Variants in POFUT3 observed in about 807,000 individuals in gnomAD.
POFUT3 encodes the protein protein O-fucosyltransferase 3.
the POFUT3 span, among the ~76,000 whole-genome samples, chr8:33,441,378 CTTTTTTTTTT>C: frequency 8.8e-6 from 1 of 114,070 alleles, no homozygotes; most frequent in Admixed American, 9.1e-5. Context: ...TTTTTCCTGC[CTTTTTTTTTT>C]TTTTTTTTTT....
At chr8:33,425,492 A>C in the POFUT3 span, among the ~76,000 whole-genome samples, 1 of 152,086 alleles carries the variant, frequency 6.6e-6, no homozygotes, top group Non-Finnish European at 1.5e-5. Flanking sequence ...GGAGAAGGAA[A>C]AAGTCCAGAG....
At chr8:33,444,782 C>T in the POFUT3 span, among the ~76,000 whole-genome samples, 13 of 152,052 alleles carry the variant, frequency 8.5e-5, no homozygotes, top group Non-Finnish European at 1.8e-4. Flanking sequence ...CACGCCACTG[C>T]ATTCCAGCCT....
the POFUT3 span, among the ~76,000 whole-genome samples, chr8:33,313,079 T>C: frequency 2.6e-5 from 4 of 152,054 alleles, no homozygotes; most frequent in Non-Finnish European, 5.9e-5. Context: ...AAGGAGAAAA[T>C]GGACAATGAA....
At chr8:33,394,688 A>G in the POFUT3 span, among the ~76,000 whole-genome samples, 5 of 151,170 alleles carry the variant, frequency 3.3e-5, no homozygotes, top group African/African-American at 1.2e-4. Context: ...AAAAAAAAAC[A>G]TCTCCACCTT....
chr8:33,331,745 G>C, the POFUT3 span, among the ~76,000 whole-genome samples: 2 of 151,250 alleles, frequency 1.3e-5, no homozygotes, highest in Non-Finnish European at 1.5e-5. Context: ...GCGCGATCTC[G>C]GCTCACTGCA....
the POFUT3 span, among the ~76,000 whole-genome samples, chr8:33,320,554 T>G: frequency 6.6e-6 from 1 of 152,062 alleles, no homozygotes; most frequent in Admixed American, 6.6e-5. Context: ...ATTCTTACCT[T>G]CCATAGATCT....
chr8:33,388,991 A>C, the POFUT3 span: 28 of 1,614,078 alleles, frequency 1.7e-5, no homozygotes, highest in Non-Finnish European at 2.4e-5. Context: ...ATTAGCCCAC[A>C]CCTTGGTGCA....
chr8:33,464,734 T>G, the POFUT3 span, among the ~76,000 whole-genome samples: 1 of 152,190 alleles, frequency 6.6e-6, no homozygotes, highest in Non-Finnish European at 1.5e-5. Flanking sequence ...GAGCCGTGAT[T>G]GTGCCACTGC....
the POFUT3 span, among the ~76,000 whole-genome samples, chr8:33,411,567 C>T: frequency 2.0e-4 from 30 of 152,278 alleles, no homozygotes; most frequent in African/African-American, 7.0e-4. Context: ...GGTGGGCAAT[C>T]GCCTGAGGTC....
the POFUT3 span, among the ~76,000 whole-genome samples, chr8:33,379,921 T>TAC: frequency 8.6e-6 from 1 of 116,626 alleles, no homozygotes; most frequent in African/African-American, 3.6e-5. Flanking sequence ...GCTATATATA[T>TAC]ACACTATATA....
At chr8:33,410,472 C>A in the POFUT3 span, among the ~76,000 whole-genome samples, 1 of 152,058 alleles carries the variant, frequency 6.6e-6, no homozygotes, top group South Asian at 2.1e-4. Flanking sequence ...GGAGGAGCTG[C>A]CTACTGGTGG....
chr8:33,383,063 T>C, the POFUT3 span, among the ~76,000 whole-genome samples: 4 of 152,106 alleles, frequency 2.6e-5, no homozygotes, highest in African/African-American at 9.7e-5. Context: ...CTCCCCTTCC[T>C]TACCTGGAAG....
chr8:33,378,057 T>A, the POFUT3 span, among the ~76,000 whole-genome samples: 1 of 152,182 alleles, frequency 6.6e-6, no homozygotes, highest in Non-Finnish European at 1.5e-5. Flanking sequence ...GATGCCCAGA[T>A]ACAAAAATGA....
At chr8:33,411,758 G>A in the POFUT3 span, among the ~76,000 whole-genome samples, 29 of 152,040 alleles carry the variant, frequency 1.9e-4, no homozygotes, top group Middle Eastern at 3.4e-3. Context: ...ATTGCACCCC[G>A]GCCTGGGCAA....
chr8:33,313,961 T>A, the POFUT3 span, among the ~76,000 whole-genome samples: 1 of 152,112 alleles, frequency 6.6e-6, no homozygotes, highest in Non-Finnish European at 1.5e-5. Flanking sequence ...ATTTAATGAG[T>A]TAGGGCAGTA....
the POFUT3 span, among the ~76,000 whole-genome samples, chr8:33,453,697 C>A: frequency 1.3e-5 from 2 of 151,956 alleles, no homozygotes; most frequent in African/African-American, 4.8e-5. Context: ...AATCTCAGTG[C>A]GTCGTCAGGG....
At chr8:33,312,176 T>C in the POFUT3 span, among the ~76,000 whole-genome samples, 3 of 151,878 alleles carry the variant, frequency 2.0e-5, no homozygotes, top group South Asian at 6.2e-4. Flanking sequence ...GCAGGAGAAT[T>C]GTTTGAACCC....
At chr8:33,438,266 C>T in the POFUT3 span, among the ~76,000 whole-genome samples, 3 of 151,348 alleles carry the variant, frequency 2.0e-5, no homozygotes, top group South Asian at 6.2e-4. Flanking sequence ...AAAACAGATA[C>T]CACTAAGCCA....
the POFUT3 span, among the ~76,000 whole-genome samples, chr8:33,464,086 G>A: frequency 6.6e-6 from 1 of 152,120 alleles, no homozygotes; most frequent in South Asian, 2.1e-4. Flanking sequence ...CCTAATCAGA[G>A]TTGTGAGAAT....
Sources: allele counts gnomAD v4.1 joint callset (sites outside exome capture counted in the v4.1 genomes callset), GRCh38; gene constraint gnomAD v4.1.1; transcripts MANE v1.5; gene names NCBI Gene and HGNC (gene_info 2026-07-23, HGNC 2026-07-21).